HHLA1: variants seen among roughly 807,000 people sequenced by gnomAD.
HHLA1 encodes HHLA1 neighbor of OC90.
In HHLA1, 72 loss-of-function variants were observed where a neutral mutation model predicts 69.9. That is an observed-to-expected ratio of 1.03 (90% confidence interval 0.85 to 1.25). The LOEUF (loss-of-function observed/expected upper bound fraction) is 1.25, where lower values mean the gene tolerates loss of function less well. Among genes scored for constraint, HHLA1 ranks in the 50% most tolerant of loss-of-function variants. The probability of loss-of-function intolerance (pLI) is 0.00; values close to 1 mark genes in which losing one functional copy is unlikely to be tolerated. For missense variants in HHLA1, 685 were observed against 642.2 expected (o/e 1.07, Z -0.72); for synonymous variants, 252 against 233.2 (o/e 1.08, Z -0.73).
chr8:132,108,368 T>C (rs1824240324), intron 1 of HHLA1, among the ~76,000 whole-genome samples: 1 of 152,220 alleles, frequency 6.6e-6, no homozygotes, highest in African/African-American at 2.4e-5. Context: ...ACTCCAATAG[T>C]AAGCAAGACA....
At chr8:132,085,418 G>A (rs1179619412) in intron 10 of HHLA1, 1 of 371,832 alleles carries the variant, frequency 2.7e-6, no homozygotes, top group Non-Finnish European at 5.4e-6. Context: ...ATTTGAAATT[G>A]GTGAGATGTT....
At chr8:132,070,908 C>T (rs1415879978) in intron 15 of HHLA1, among the ~76,000 whole-genome samples, 2 of 152,244 alleles carry the variant, frequency 1.3e-5, no homozygotes, top group African/African-American at 2.4e-5. Flanking sequence ...CAACTCATCT[C>T]AACACAATTC....
intron 5 of HHLA1, 87 bp downstream of exon 5, chr8:132,098,795 T>C: frequency 1.3e-6 from 1 of 786,598 alleles, no homozygotes. Flanking sequence ...AAGTGAAGTG[T>C]CTTGTCAAGG....
At chr8:132,103,400 C>T (rs4736547) in intron 3 of HHLA1, among the ~76,000 whole-genome samples, 91,070 of 152,024 alleles carry the variant, frequency 0.6, 27,375 homozygotes, top group Admixed American at 0.64. Flanking sequence ...AGTGGATCCC[C>T]TGAGCTCAGG....
chr8:132,106,016 A>G (rs1025826785), intron 1 of HHLA1, among the ~76,000 whole-genome samples: 8 of 152,238 alleles, frequency 5.3e-5, no homozygotes, highest in African/African-American at 1.9e-4. Context: ...ATAATGGCTA[A>G]CATTTATTGA....
At chr8:132,066,646 G>A (rs947999180) in intron 15 of HHLA1, among the ~76,000 whole-genome samples, 6 of 152,180 alleles carry the variant, frequency 3.9e-5, no homozygotes, top group African/African-American at 1.2e-4. Context: ...ATTTGAGGAG[G>A]TTGGGCTAAA....
chr8:132,077,461 A>AG (rs1479813988), intron 12 of HHLA1, among the ~76,000 whole-genome samples: 1 of 152,098 alleles, frequency 6.6e-6, no homozygotes, highest in African/African-American at 2.4e-5. Flanking sequence ...ACAATGAAAC[A>AG]GGGAAAAAGA....
At chr8:132,101,103 A>T in intron 3 of HHLA1, 1 of 1,403,634 alleles carries the variant, frequency 7.1e-7, no homozygotes, top group Non-Finnish European at 9.4e-7. Context: ...TTGCAACAAT[A>T]GGTACCAGCA....
In HHLA1 at chr8:132,105,201, G is replaced by C; in HGVS notation, c.65C>G (p.Ser22Cys). 2 of 1,551,948 alleles carry C rather than the reference G, an allele frequency of 1.3e-6. No homozygotes were observed. The highest frequency in any genetic ancestry group is 1.4e-5 in the African/African-American group (1 of 73,136). ...KLCMGLACVL[S>C]LWNTVSGIKG... ...GCTAGACCCACCTGTGTTCCAAAGG[G>C]ACAAGACACATGCCAGGCCCATGCA... Residue 22 changes from serine to cysteine, a missense_variant, in exon 2 of 17, where the codon TCC becomes TGC. Physicochemically the swap from Ser to Cys is moderately radical, Grantham distance 112 (BLOSUM62 -1). Coordinates refer to ENST00000414222, the MANE Select transcript of HHLA1 (RefSeq NM_001145095.3).
In HHLA1 at chr8:132,095,763, G is replaced by T. The variant is rs1824015665; in HGVS notation, c.304C>A (p.Leu102Met). ...LKDSKKFFSL[L>M]SVTSYSSFAF... ...AAGGAACTGTAGGAAGTGACACTCA[G>T]CAAGGAGAAGAACTTCTTGCTATCT... Residue 102 changes from leucine (L) to methionine (M), a missense_variant, in exon 6 of 17, where the codon CTG (leucine) becomes ATG (methionine). Leu to Met is a conservative substitution (Grantham distance 15). Coordinates refer to ENST00000414222, the MANE Select transcript of HHLA1 (RefSeq NM_001145095.3). The T allele has an allele frequency of 6.4e-7, 1 of 1,550,894 alleles. No individual in the cohort carries two copies.
chr8:132,061,863 A>G lies in HHLA1; in HGVS notation c.*2132T>C, dbSNP rs1432320081. On this transcript the variant is annotated 3_prime_UTR_variant, in exon 17 of 17. Coordinates refer to ENST00000414222, the MANE Select transcript of HHLA1 (RefSeq NM_001145095.3). ...GGAGTCCTCTGAGCCTTTGTCCTTGATGCTAGGCCAGATCCTTGCATAAGC... is the reference window on the plus strand; with the variant it reads ...GGAGTCCTCTGAGCCTTTGTCCTTGGTGCTAGGCCAGATCCTTGCATAAGC... The G allele has an allele frequency of 1.3e-5, 2 of 152,222 alleles. No individual in the cohort carries two copies. Among genetic ancestry groups the G allele is most frequent in the African/African-American group, 4.8e-5 (2 of 41,456 alleles). The allele number at this position is 152,222 out of a possible 1,614,324, so 9.4% of individuals were successfully genotyped here.
In HHLA1 at chr8:132,104,173, G is replaced by A; in HGVS notation, c.80-6C>T. 1 of 1,546,330 alleles carries A rather than the reference G, an allele frequency of 6.5e-7. No individual in the cohort carries two copies. ...TTCTCCTTTGATGCCAGACACTAAA[G>A]TAAAAAAGGTTTAATCACAGAAATT... On this transcript the variant is annotated splice_region_variant and splice_polypyrimidine_tract_variant and intron_variant, in intron 2 of 16. Transcript: ENST00000414222.
intron 10 of HHLA1, chr8:132,080,757 G>A (rs1360821060): frequency 1.3e-5 from 2 of 152,348 alleles, no homozygotes; most frequent in Non-Finnish European, 2.9e-5. Context: ...AAAATTTTTG[G>A]GGGGTGGTAT....
intron 15 of HHLA1, among the ~76,000 whole-genome samples, chr8:132,067,160 T>C (rs187425129): frequency 2.6e-5 from 4 of 152,224 alleles, no homozygotes; most frequent in African/African-American, 7.2e-5. Flanking sequence ...GAAGCTGTTA[T>C]GAGGATTCCT....
chr8:132,109,631 G>A (rs2130904149), intron 1 of HHLA1, among the ~76,000 whole-genome samples: 1 of 152,194 alleles, frequency 6.6e-6, no homozygotes, highest in Non-Finnish European at 1.5e-5. Flanking sequence ...TTGAGTTACA[G>A]AAGATAAAGG....
intron 1 of HHLA1, among the ~76,000 whole-genome samples, chr8:132,106,143 A>G (rs1824198488): frequency 6.6e-6 from 1 of 152,192 alleles, no homozygotes; most frequent in Non-Finnish European, 1.5e-5. Context: ...CTGCACAGAT[A>G]CGATTTGAAA....
At chr8:132,074,917 A>G (rs1823609274) in intron 14 of HHLA1, among the ~76,000 whole-genome samples, 1 of 152,178 alleles carries the variant, frequency 6.6e-6, no homozygotes. Flanking sequence ...AGCTAACAAG[A>G]GAGACAGATA....
chr8:132,107,569 G>A (rs542620074), intron 1 of HHLA1, among the ~76,000 whole-genome samples: 1 of 152,196 alleles, frequency 6.6e-6, no homozygotes, highest in South Asian at 2.1e-4. Context: ...CAAATTGCTG[G>A]GATTACAGGC....
intron 5 of HHLA1, 74 bp from the exon 6 acceptor site, chr8:132,095,860 C>A: frequency 1.2e-6 from 1 of 836,188 alleles, no homozygotes; most frequent in Non-Finnish European, 1.8e-6. Context: ...AGTAAACAGT[C>A]CCTAGAAATT....
Sources: gnomAD v4.1 joint callset for allele counts (sites outside exome capture counted in the v4.1 genomes callset) on GRCh38, gnomAD v4.1.1 for gene constraint, MANE v1.5 for transcripts, NCBI Gene and HGNC (gene_info 2026-07-23, HGNC 2026-07-21) for gene names.